Variants in CUZD1 observed in about 807,000 individuals in gnomAD.
The protein encoded by CUZD1 is CUB and zona pellucida-like domain-containing protein 1.
A neutral mutation model predicts 53.1 loss-of-function variants in CUZD1; 42 were observed. The ratio of observed to expected loss-of-function variants is 0.79; its 90% CI spans 0.62 to 1.02. The LOEUF is 1.02. CUZD1 is among the 50% of genes least tolerant of loss of function. CUZD1 has a pLI of 0.00. For synonymous variants in CUZD1, 238 were observed against 257.2 expected (o/e 0.93, Z 0.71); for missense variants, 670 against 715.7 (o/e 0.94, Z 0.73).
Position 122,837,532 on chromosome 10 carries a change from G to A in CUZD1, c.471C>T (p.Tyr157=). The A allele has an allele frequency of 6.3e-7, 1 of 1,588,104 alleles. No individual in the cohort carries two copies. The highest frequency in any genetic ancestry group is 8.6e-7 in the Non-Finnish European group (1 of 1,168,920). ...PNISIPNCGG[Y]LDTLEGSFTS... ...TGAAGGATCCTTCCAAGGTATCCAG[G>A]TAACCGCCACAGTTTGGAATAGCTG... Residue 157 remains tyrosine, a synonymous_variant, in exon 4 of 9, where the codon TAC becomes TAT. Transcript: ENST00000392790.
At chr10:122,833,542 A>C in intron 8 of CUZD1, 130 bp downstream of exon 8, 1 of 976,076 alleles carries the variant, frequency 1.0e-6, no homozygotes, top group Non-Finnish European at 1.5e-6. Flanking sequence ...CTATATACTT[A>C]AAATTCAACT....
At chr10:122,836,075 T>C (rs1431244328) in intron 6 of CUZD1, 103 bp downstream of exon 6, 32 of 1,062,226 alleles carry the variant, frequency 3.0e-5, no homozygotes, top group Non-Finnish European at 3.6e-5. Context: ...CCACTAAAAT[T>C]TGGGGGTCGT....
Sources: gnomAD v4.1 joint callset for allele counts on GRCh38, gnomAD v4.1.1 for gene constraint, MANE v1.5 for transcripts, NCBI Gene and HGNC (gene_info 2026-07-23, HGNC 2026-07-21) for gene names.